Variants in CMSS1 observed in about 807,000 individuals in gnomAD.
CMSS1 encodes protein CMSS1.
Under a neutral mutation model 43.5 loss-of-function variants are expected in CMSS1, and 33 were observed. The observed-to-expected ratio is 0.76, with a 90% CI of 0.57 to 1.01. The LOEUF is 1.01. Ranked by LOEUF, CMSS1 falls within the 50% of genes least tolerant of loss-of-function variation. The pLI, the probability that CMSS1 is intolerant of heterozygous loss-of-function variation, is 0.00. For missense variants in CMSS1, 313 were observed against 326.4 expected, an observed-to-expected ratio of 0.96 and a Z score of 0.32; for synonymous variants, 115 against 117.2, an observed-to-expected ratio of 0.98 and a Z score of 0.12.
chr3:100,152,245 T>A (rs2066924749), intron 2 of CMSS1, among the ~76,000 whole-genome samples: 1 of 152,018 alleles, frequency 6.6e-6, no homozygotes, highest in Non-Finnish European at 1.5e-5. Context: ...GGTTTGCAAC[T>A]GAACAGCTAA....
rs1321714150 is a variant in CMSS1, at chr3:100,117,833, A to G, written c.65-29140A>G. Among the ~76,000 whole-genome samples, 190 of 91,868 alleles carry G rather than the reference A, an allele frequency of 2.1e-3. 2 individuals carry two copies. The highest frequency in any genetic ancestry group is 5.1e-3 in the African/African-American group (105 of 20,478). 60.3% of individuals were successfully genotyped at this position (91,868 alleles called of 152,430 possible). On this transcript the variant is annotated intron_variant, in intron 1 of 9. Coordinates refer to ENST00000421999, the MANE Select transcript of CMSS1 (RefSeq NM_032359.4). ...TGGATAGATAAACTGCAGTATATAT[A>G]TATATATATATATATATATACATAT...
At chr3:100,014,905 T>TC (rs1710292569) in intron 1 of CMSS1, among the ~76,000 whole-genome samples, 1 of 143,218 alleles carries the variant, frequency 7.0e-6, no homozygotes, top group East Asian at 2.0e-4. Flanking sequence ...CTTTTTTTTT[T>TC]TTTTTTTTTT....
intron 1 of CMSS1, among the ~76,000 whole-genome samples, chr3:100,078,162 A>G (rs1368605494): frequency 2.0e-5 from 3 of 152,150 alleles, no homozygotes; most frequent in African/African-American, 7.2e-5. Flanking sequence ...TGGTGCTAAT[A>G]TATTTGCTCC....
intron 1 of CMSS1, among the ~76,000 whole-genome samples, chr3:99,957,187 A>G (rs1252511183): frequency 6.6e-6 from 1 of 152,252 alleles, no homozygotes; most frequent in East Asian, 1.9e-4. Flanking sequence ...AACATTCATC[A>G]GGGTGATCTG....
intron 1 of CMSS1, among the ~76,000 whole-genome samples, chr3:100,081,917 A>T (rs1266455872): frequency 6.6e-6 from 1 of 152,102 alleles, no homozygotes; most frequent in Non-Finnish European, 1.5e-5. Context: ...ATGTCTCCAG[A>T]CACTGTCAGA....
chr3:99,880,720 C>A (rs929159065), intron 1 of CMSS1, among the ~76,000 whole-genome samples: 13 of 151,786 alleles, frequency 8.6e-5, no homozygotes, highest in Non-Finnish European at 1.8e-4. Context: ...AATAGGCACC[C>A]TTCATAATTT....
At chr3:99,919,184 CTTTAG>C (rs1707047445) in intron 1 of CMSS1, among the ~76,000 whole-genome samples, 1 of 151,906 alleles carries the variant, frequency 6.6e-6, no homozygotes, top group South Asian at 2.1e-4. Flanking sequence ...TAGTAAAATA[CTTTAG>C]TTTAATGTGT....
intron 1 of CMSS1, among the ~76,000 whole-genome samples, chr3:100,117,821 T>A (rs1207413539): frequency 1.8e-5 from 2 of 108,428 alleles, no homozygotes; most frequent in Non-Finnish European, 3.5e-5. Context: ...ATAGATAAAC[T>A]GCAGTATATA....
intron 1 of CMSS1, among the ~76,000 whole-genome samples, chr3:99,899,087 C>A (rs1706354590): frequency 6.6e-6 from 1 of 152,096 alleles, no homozygotes; most frequent in African/African-American, 2.4e-5. Context: ...AGTGAATGTG[C>A]TTTGATTATA....
intron 1 of CMSS1, among the ~76,000 whole-genome samples, chr3:100,138,218 A>G (rs946063434): frequency 6.6e-6 from 1 of 152,248 alleles, no homozygotes; most frequent in African/African-American, 2.4e-5. Context: ...CTTAAAAGTA[A>G]AACCCAAAAC....
At chr3:100,107,308 G>A (rs2066412190) in intron 1 of CMSS1, among the ~76,000 whole-genome samples, 1 of 152,154 alleles carries the variant, frequency 6.6e-6, no homozygotes, top group Non-Finnish European at 1.5e-5. Flanking sequence ...GCAGTTTTAT[G>A]ATGCCATCTG....
chr3:100,172,885 A>T (rs1230993576), intron 8 of CMSS1, among the ~76,000 whole-genome samples: 1 of 152,214 alleles, frequency 6.6e-6, no homozygotes, highest in African/African-American at 2.4e-5. Context: ...GACAACATCC[A>T]CTGGTGGGTT....
chr3:99,965,919 G>T (rs1052838226), intron 1 of CMSS1, among the ~76,000 whole-genome samples: 1 of 152,130 alleles, frequency 6.6e-6, no homozygotes, highest in Non-Finnish European at 1.5e-5. Context: ...ACATAAGGCA[G>T]TTCTCCTGTC....
At chr3:99,892,054 G>A (rs1706098645) in intron 1 of CMSS1, among the ~76,000 whole-genome samples, 1 of 152,336 alleles carries the variant, frequency 6.6e-6, no homozygotes, top group East Asian at 1.9e-4. Context: ...AGAGCCTGAT[G>A]TAAAGAGGGA....
intron 1 of CMSS1, among the ~76,000 whole-genome samples, chr3:100,065,920 G>A (rs973408215): frequency 1.3e-5 from 2 of 152,194 alleles, no homozygotes; most frequent in African/African-American, 4.8e-5. Flanking sequence ...ATCACCTGGG[G>A]ACTTTTCAGA....
At chr3:99,869,006 T>G (rs1018505647) in intron 1 of CMSS1, among the ~76,000 whole-genome samples, 1 of 152,196 alleles carries the variant, frequency 6.6e-6, no homozygotes, top group Non-Finnish European at 1.5e-5. Context: ...CTGTGCATAC[T>G]TGACCAAATG....
At chr3:100,163,800 A>G (rs2067045197) in intron 4 of CMSS1, among the ~76,000 whole-genome samples, 3 of 152,224 alleles carry the variant, frequency 2.0e-5, no homozygotes, top group Non-Finnish European at 4.4e-5. Flanking sequence ...AAATCAAACC[A>G]TAAAAGTTTG....
At chr3:99,972,954 C>T (rs1009626692) in intron 1 of CMSS1, among the ~76,000 whole-genome samples, 1 of 152,178 alleles carries the variant, frequency 6.6e-6, no homozygotes, top group Non-Finnish European at 1.5e-5. Context: ...ATCTTTTGAT[C>T]TTCACACCTT....
chr3:99,857,043 G>A (rs1249794622), intron 1 of CMSS1, among the ~76,000 whole-genome samples: 4 of 152,106 alleles, frequency 2.6e-5, no homozygotes, highest in South Asian at 4.1e-4. Flanking sequence ...TCATTTCTGT[G>A]TCCTACAGTG....
Sources: gnomAD v4.1 joint callset for allele counts (sites outside exome capture counted in the v4.1 genomes callset) on GRCh38, gnomAD v4.1.1 for gene constraint, MANE v1.5 for transcripts, NCBI Gene and HGNC (gene_info 2026-07-23, HGNC 2026-07-21) for gene names.